The following ABTB2 variants were observed in gnomAD, a reference collection of about 807,000 sequenced individuals.
ABTB2 encodes the protein ankyrin repeat and BTB domain containing 2, also known as ankyrin repeat and BTB/POZ domain-containing protein 2.
ABTB2 carries 56 observed loss-of-function variants against 104.1 expected under a neutral mutation model. The ratio of observed to expected loss-of-function variants is 0.54; its 90% confidence interval spans 0.43 to 0.67. The LOEUF (loss-of-function observed/expected upper bound fraction) is 0.67, where lower values mean the gene tolerates loss of function less well. Among genes scored for constraint, ABTB2 ranks in the 30% least tolerant of loss-of-function variants. The pLI is 0.00. For synonymous variants in ABTB2, 606 were observed against 608.2 expected (o/e 1.00, Z 0.05); for missense variants, 1,279 against 1,407.7 (o/e 0.91, Z 1.46).
intron 1 of ABTB2, among the ~76,000 whole-genome samples, chr11:34,256,531 C>T (rs908626741): frequency 6.6e-6 from 1 of 152,094 alleles, no homozygotes; most frequent in Non-Finnish European, 1.5e-5. Context: ...AAAAGCTGTC[C>T]GGGGTTCTGA....
At chr11:34,289,255 T>C (rs1324011155) in intron 1 of ABTB2, among the ~76,000 whole-genome samples, 1 of 152,188 alleles carries the variant, frequency 6.6e-6, no homozygotes, top group East Asian at 1.9e-4. Context: ...ATTTAGAATC[T>C]GATGAAGGGT....
intron 1 of ABTB2, among the ~76,000 whole-genome samples, chr11:34,233,133 C>T (rs1384739365): frequency 6.6e-6 from 1 of 152,120 alleles, no homozygotes; most frequent in East Asian, 1.9e-4. Flanking sequence ...CCAGTCGCTT[C>T]CTGCTAACAG....
intron 1 of ABTB2, among the ~76,000 whole-genome samples, chr11:34,287,779 A>G (rs115098794): frequency 2.0e-3 from 311 of 152,284 alleles, no homozygotes; most frequent in African/African-American, 7.1e-3. Flanking sequence ...CCCTCTCCGT[A>G]AGGCAGCTGA....
chr11:34,178,798 G>C (rs1852987863), intron 3 of ABTB2, among the ~76,000 whole-genome samples: 1 of 152,016 alleles, frequency 6.6e-6, no homozygotes, highest in Non-Finnish European at 1.5e-5. Context: ...AAAATTGGTC[G>C]GGCATGGCAG....
intron 1 of ABTB2, among the ~76,000 whole-genome samples, chr11:34,227,735 C>CT (rs892512045): frequency 5.4e-4 from 82 of 150,948 alleles, no homozygotes; most frequent in African/African-American, 7.8e-4. Flanking sequence ...TTTTTTTCTT[C>CT]TTTTTTTTTA....
chr11:34,309,791 C>CA (rs35553114), intron 1 of ABTB2, among the ~76,000 whole-genome samples: 2,880 of 140,118 alleles, frequency 0.021, 85 homozygotes, highest in African/African-American at 0.068. Context: ...TGATCAGAGT[C>CA]AAAAAAAAAA....
At chr11:34,260,429 G>T (rs139231336) in intron 1 of ABTB2, among the ~76,000 whole-genome samples, 1 of 152,182 alleles carries the variant, frequency 6.6e-6, no homozygotes, top group African/African-American at 2.4e-5. Context: ...GGTCCCAACC[G>T]CTGATCACGG....
rs144615870 is a variant in ABTB2 at position 34,328,206 on chromosome 11, T to G, written c.883+28495A>C. ...AGTATCCCCCCTTCTGGAAAGACAC[T>G]GGCTTCAGCATTCAGGCAATCTTCC... is the stretch of plus-strand genomic sequence containing the variant. On this transcript the variant is annotated intron_variant, in intron 1 of 16. Coordinates refer to ENST00000435224, the MANE Select transcript of ABTB2 (RefSeq NM_145804.3). 3.2e-4 allele frequency among the ~76,000 whole-genome samples: 49 copies of G among 152,334 alleles called. No individual in the cohort carries two copies. In the East Asian group the frequency reaches 8.3e-3, roughly 26 times the overall value.
At chr11:34,287,551 A>G (rs142352077) in intron 1 of ABTB2, among the ~76,000 whole-genome samples, 8 of 152,360 alleles carry the variant, frequency 5.3e-5, no homozygotes, top group South Asian at 4.1e-4. Flanking sequence ...AAATAAATAA[A>G]CAGATCTCCT....
intron 3 of ABTB2, among the ~76,000 whole-genome samples, chr11:34,195,623 G>A (rs1360745277): frequency 6.6e-6 from 1 of 152,244 alleles, no homozygotes; most frequent in Non-Finnish European, 1.5e-5. Flanking sequence ...GAGGTACAGT[G>A]TAGTGGTTAT....
chr11:34,190,596 T>C (rs889505794), intron 3 of ABTB2, among the ~76,000 whole-genome samples: 1 of 152,188 alleles, frequency 6.6e-6, no homozygotes, highest in African/African-American at 2.4e-5. Flanking sequence ...ACAGTATCTG[T>C]CTGTGAATGT....
chr11:34,301,521 C>T (rs1288464383), intron 1 of ABTB2, among the ~76,000 whole-genome samples: 13 of 152,174 alleles, frequency 8.5e-5, no homozygotes. Flanking sequence ...GCATGAAGGC[C>T]TAGCCTCAAC....
Position 34,356,805 on chromosome 11 carries a change from C to T in ABTB2, c.779G>A (p.Gly260Glu). The change falls in exon 1 of 17, where the codon GGG becomes GAG. Residue 260 changes from glycine (G) to glutamate (E), a missense_variant. Transcript: ENST00000435224. The surrounding 1 kb of genome is among the most constrained non-coding windows in gnomAD (Gnocchi z 4.6). ...HSPDGGGAGG[G>E]EVSAEALEMV... The stretch of plus-strand genomic sequence containing the variant: ...CTCCAGGGCCTCAGCAGACACCTCC[C>T]CGCCTCCGGCCCCTCCGCCATCAGG... 6.2e-7 allele frequency: 1 copy of T among 1,607,666 alleles called. No homozygotes were observed. The highest frequency in any genetic ancestry group is 8.5e-7 in the Non-Finnish European group (1 of 1,177,170).
chr11:34,173,831 C>T (rs967660598), intron 3 of ABTB2, among the ~76,000 whole-genome samples: 2 of 152,168 alleles, frequency 1.3e-5, no homozygotes, highest in African/African-American at 4.8e-5. Context: ...CCATCCCCTC[C>T]GACAAGCACA....
chr11:34,347,958 A>T (rs1261424789), intron 1 of ABTB2, among the ~76,000 whole-genome samples: 1 of 152,292 alleles, frequency 6.6e-6, no homozygotes, highest in East Asian at 1.9e-4. Flanking sequence ...TGCTTTGGCA[A>T]GAGTCGATCC....
At chr11:34,289,340 T>C (rs572208137) in intron 1 of ABTB2, among the ~76,000 whole-genome samples, 100 of 152,310 alleles carry the variant, frequency 6.6e-4, no homozygotes, top group African/African-American at 2.3e-3. Flanking sequence ...CCATGGCACA[T>C]CTAGAAAGTC....
intron 1 of ABTB2, among the ~76,000 whole-genome samples, chr11:34,330,738 A>G (rs1345324105): frequency 2.0e-5 from 3 of 152,240 alleles, no homozygotes; most frequent in Admixed American, 6.5e-5. Context: ...TCATTTCATC[A>G]ACAGTTTAGC....
At chr11:34,286,496 T>C (rs1260544338) in intron 1 of ABTB2, among the ~76,000 whole-genome samples, 1 of 152,028 alleles carries the variant, frequency 6.6e-6, no homozygotes, top group Non-Finnish European at 1.5e-5. Flanking sequence ...TTTCACCATG[T>C]TGTCCAGGCT....
chr11:34,199,565 G>A (rs1247628576), intron 2 of ABTB2, among the ~76,000 whole-genome samples: 4 of 152,190 alleles, frequency 2.6e-5, no homozygotes, highest in Admixed American at 2.0e-4. Flanking sequence ...ATTGATTCAA[G>A]TCAGACACAG....
Sources: gnomAD v4.1 joint callset for allele counts (sites outside exome capture counted in the v4.1 genomes callset) on GRCh38, gnomAD v4.1.1 for gene constraint, Gnocchi (gnomAD v3.1) non-coding constraint, MANE v1.5 for transcripts, NCBI Gene and HGNC (gene_info 2026-07-23, HGNC 2026-07-21) for gene names.